ZCCHC7: variants seen among roughly 807,000 people sequenced by gnomAD.
The protein encoded by ZCCHC7 is zinc finger CCHC-type containing 7, also known as zinc finger CCHC domain-containing protein 7.
In ZCCHC7, 35 loss-of-function variants were observed where a neutral mutation model predicts 52.0. That is an observed-to-expected ratio of 0.67 (90% CI 0.51 to 0.89). The LOEUF is 0.89. Among genes scored for constraint, ZCCHC7 ranks in the 40% least tolerant of loss-of-function variants. The probability of loss-of-function intolerance (pLI) is 0.00; values close to 1 mark genes in which losing one functional copy is unlikely to be tolerated. For missense variants in ZCCHC7, 574 were observed against 649.1 expected, an observed-to-expected ratio of 0.88 and a Z score of 1.26; for synonymous variants, 217 against 221.5, an observed-to-expected ratio of 0.98 and a Z score of 0.18.
intron 7 of ZCCHC7, among the ~76,000 whole-genome samples, chr9:37,352,971 C>A (rs1306831826): frequency 6.6e-6 from 1 of 151,754 alleles, no homozygotes; most frequent in Non-Finnish European, 1.5e-5. Flanking sequence ...AGATTAGAAC[C>A]GAACTTATTG....
At chr9:37,310,832 C>T (rs1829559531) in intron 5 of ZCCHC7, among the ~76,000 whole-genome samples, 1 of 151,774 alleles carries the variant, frequency 6.6e-6, no homozygotes, top group Non-Finnish European at 1.5e-5. Flanking sequence ...TGGCACGCAC[C>T]TGTAGTCCCA....
intron 6 of ZCCHC7, among the ~76,000 whole-genome samples, chr9:37,348,245 CTGAATCAATCCTTGTT>C (rs1371789397): frequency 6.6e-6 from 1 of 151,872 alleles, no homozygotes; most frequent in Non-Finnish European, 1.5e-5. Context: ...TCTACTTTTT[CTGAATCAATCCTTGTT>C]CACCCATGTT....
At chr9:37,229,593 A>G (rs1434719748) in intron 2 of ZCCHC7, among the ~76,000 whole-genome samples, 1 of 152,194 alleles carries the variant, frequency 6.6e-6, no homozygotes, top group African/African-American at 2.4e-5. Flanking sequence ...ATAAAAGATA[A>G]AAGTGGTATA....
chr9:37,246,716 A>G (rs1430378437), intron 2 of ZCCHC7, among the ~76,000 whole-genome samples: 1 of 152,154 alleles, frequency 6.6e-6, no homozygotes, highest in Non-Finnish European at 1.5e-5. Context: ...CTCGGTATCT[A>G]CAGATTCAAC....
intron 2 of ZCCHC7, among the ~76,000 whole-genome samples, chr9:37,136,615 G>T (rs986989873): frequency 2.0e-5 from 3 of 152,066 alleles, no homozygotes; most frequent in Non-Finnish European, 4.4e-5. Context: ...GGGCCACCAT[G>T]CCCTGCTAAT....
chr9:37,343,908 A>G (rs1158885557), intron 6 of ZCCHC7, among the ~76,000 whole-genome samples: 2 of 152,208 alleles, frequency 1.3e-5, no homozygotes, highest in African/African-American at 4.8e-5. Flanking sequence ...GTAAACTAAT[A>G]TGTGTGCCTG....
intron 2 of ZCCHC7, among the ~76,000 whole-genome samples, chr9:37,145,240 C>T (rs1190716991): frequency 6.6e-6 from 1 of 151,660 alleles, no homozygotes; most frequent in Non-Finnish European, 1.5e-5. Context: ...AATATGTAGA[C>T]CTTGATTAAA....
chr9:37,135,965 A>C (rs1016860979), intron 2 of ZCCHC7, among the ~76,000 whole-genome samples: 1 of 152,220 alleles, frequency 6.6e-6, no homozygotes, highest in African/African-American at 2.4e-5. Context: ...AAATTTGAAT[A>C]GAGTGGGTTA....
Position 37,313,113 on chromosome 9 carries a change from A to G in ZCCHC7, c.951+7399A>G, listed in dbSNP as rs562144897. ...GTGTGCATTACACCTACCTTTGGAA[A>G]TAGGAAAATCAGACTTTGGTTAGAT... is the stretch of plus-strand genomic sequence containing the variant. On this transcript the variant is annotated intron_variant, in intron 5 of 8. Coordinates refer to ENST00000336755, the MANE Select transcript of ZCCHC7 (RefSeq NM_032226.3). Among the ~76,000 whole-genome samples the G allele has an allele frequency of 3.3e-5, 5 of 152,342 alleles. No homozygotes were observed. The South Asian group carries it at 1.0e-3, about 32-fold the overall frequency.
intron 3 of ZCCHC7, among the ~76,000 whole-genome samples, chr9:37,303,241 A>G (rs998520669): frequency 6.6e-6 from 1 of 152,118 alleles, no homozygotes; most frequent in Admixed American, 6.5e-5. Flanking sequence ...ACTGGGCAAC[A>G]TGGCGAAACT....
chr9:37,206,277 T>C (rs1479836696), intron 2 of ZCCHC7, among the ~76,000 whole-genome samples: 1 of 141,350 alleles, frequency 7.1e-6, no homozygotes, highest in Non-Finnish European at 1.5e-5. Flanking sequence ...CCCTCCCGGC[T>C]TTCTCCCTCC....
chr9:37,141,150 G>C (rs149380469), intron 2 of ZCCHC7, among the ~76,000 whole-genome samples: 1 of 151,782 alleles, frequency 6.6e-6, no homozygotes, highest in South Asian at 2.1e-4. Flanking sequence ...TATTGTGGCC[G>C]TTTGCTCTAA....
intron 2 of ZCCHC7, among the ~76,000 whole-genome samples, chr9:37,237,709 A>T (rs954691773): frequency 6.6e-6 from 1 of 152,218 alleles, no homozygotes; most frequent in East Asian, 1.9e-4. Flanking sequence ...CCTTTAGAAG[A>T]GATGTGACAT....
chr9:37,353,600 T>G (rs1380130972), intron 7 of ZCCHC7, among the ~76,000 whole-genome samples: 2 of 152,138 alleles, frequency 1.3e-5, no homozygotes, highest in Non-Finnish European at 2.9e-5. Flanking sequence ...ACTTTATTCT[T>G]GGGGGAAAAA....
chr9:37,136,055 C>G (rs1466914580), intron 2 of ZCCHC7, among the ~76,000 whole-genome samples: 2 of 151,874 alleles, frequency 1.3e-5, no homozygotes, highest in African/African-American at 4.8e-5. Flanking sequence ...GTTTGTTTTT[C>G]TTTTCCTGTG....
At chr9:37,356,590 C>T (rs1021817200) in intron 8 of ZCCHC7, among the ~76,000 whole-genome samples, 1 of 152,244 alleles carries the variant, frequency 6.6e-6, no homozygotes, top group Non-Finnish European at 1.5e-5. Flanking sequence ...AGGTCCTCAT[C>T]TCCATTGCTT....
intron 2 of ZCCHC7, among the ~76,000 whole-genome samples, chr9:37,235,960 T>C (rs2133335240): frequency 6.6e-6 from 1 of 152,210 alleles, no homozygotes; most frequent in South Asian, 2.1e-4. Context: ...TGTTCCTCTG[T>C]TGGTGGGCAG....
At chr9:37,256,651 T>C (rs747690278) in intron 2 of ZCCHC7, among the ~76,000 whole-genome samples, 16 of 152,220 alleles carry the variant, frequency 1.1e-4, no homozygotes, top group South Asian at 8.3e-4. Context: ...CGGGAAGTAC[T>C]GTACACACAA....
intron 2 of ZCCHC7, among the ~76,000 whole-genome samples, chr9:37,189,568 A>C (rs935263899): frequency 2.0e-5 from 3 of 152,108 alleles, no homozygotes; most frequent in Admixed American, 2.0e-4. Context: ...TTCTATTTTT[A>C]GTAGAGACGC....
Sources: gnomAD v4.1 joint callset for allele counts (sites outside exome capture counted in the v4.1 genomes callset) on GRCh38, gnomAD v4.1.1 for gene constraint, MANE v1.5 for transcripts, NCBI Gene and HGNC (gene_info 2026-07-23, HGNC 2026-07-21) for gene names.